The following CSMD1 variants were observed in gnomAD, a reference collection of about 807,000 sequenced individuals.
CSMD1 encodes the protein CUB and Sushi multiple domains 1, also known as CUB and sushi domain-containing protein 1.
A neutral mutation model predicts 417.5 loss-of-function variants in CSMD1; 213 were observed. That is an observed-to-expected ratio of 0.51 (90% CI 0.46 to 0.57). The LOEUF (loss-of-function observed/expected upper bound fraction) is 0.57, where lower values mean the gene tolerates loss of function less well. Ranked by LOEUF, CSMD1 falls within the 20% of genes least tolerant of loss-of-function variation. CSMD1 has a pLI of 0.00. For missense variants in CSMD1, 6,923 were observed against 4,529.7 expected (o/e 1.53, Z -15.17); for synonymous variants, 2,862 against 1,736.8 (o/e 1.65, Z -16.11).
intron 1 of CSMD1, among the ~76,000 whole-genome samples, chr8:4,851,987 ATC>A (rs1305459143): frequency 6.6e-6 from 1 of 152,064 alleles, no homozygotes; most frequent in African/African-American, 2.4e-5. Flanking sequence ...TATAGATTTA[ATC>A]TCTCTCTGGA....
At chr8:3,537,759 AG>A (rs1798265043) in intron 10 of CSMD1, among the ~76,000 whole-genome samples, 1 of 152,234 alleles carries the variant, frequency 6.6e-6, no homozygotes, top group Admixed American at 6.5e-5. Flanking sequence ...TATTTAGGAC[AG>A]TAAAACAAGA....
chr8:4,761,906 T>G (rs5016404), intron 1 of CSMD1, among the ~76,000 whole-genome samples: 1 of 94,284 alleles, frequency 1.1e-5, no homozygotes, highest in Non-Finnish European at 2.3e-5. Context: ...TATCTATCTA[T>G]CTATCAATCT....
intron 3 of CSMD1, among the ~76,000 whole-genome samples, chr8:4,409,813 T>C (rs1288075443): frequency 6.6e-6 from 1 of 152,058 alleles, no homozygotes; most frequent in Non-Finnish European, 1.5e-5. Flanking sequence ...AATACCGTAC[T>C]TTTAGTTTGT....
chr8:4,441,662 T>C lies in CSMD1; in HGVS notation c.303-21597A>G, dbSNP rs528840230. Among the ~76,000 whole-genome samples, 229 of 152,286 alleles carry C rather than the reference T, an allele frequency of 1.5e-3. 1 individual carries two copies. Among genetic ancestry groups the C allele is most frequent in the African/African-American group, 5.1e-3 (211 of 41,556 alleles). On this transcript the variant is annotated intron_variant, in intron 2 of 69. Coordinates refer to ENST00000635120, the MANE Select transcript of CSMD1 (RefSeq NM_033225.6). ...TTTATTTCACAGAAAAGTCACATTTTTTTCTAAAATATTTACAGGTATCTT... is the reference window on the plus strand; with the variant it reads ...TTTATTTCACAGAAAAGTCACATTTCTTTCTAAAATATTTACAGGTATCTT...
intron 26 of CSMD1, among the ~76,000 whole-genome samples, chr8:3,250,164 C>G (rs759870546): frequency 5.7e-4 from 87 of 152,134 alleles, no homozygotes; most frequent in Non-Finnish European, 4.4e-4. Flanking sequence ...CCCATTAAGT[C>G]GTCATTTAAC....
In CSMD1 at chr8:4,385,648, G is replaced by C. The variant is rs571514253; in HGVS notation, c.415+34305C>G. On this transcript the variant is annotated intron_variant, in intron 3 of 69. Transcript: ENST00000635120. ...TCAGTAACAGATGCAAAGACAATTG[G>C]CATCATCCTGTAGGCATTATCCAAA... Among the ~76,000 whole-genome samples the C allele has an allele frequency of 3.4e-4, 51 of 152,158 alleles. 1 individual carries two copies. The highest frequency in any genetic ancestry group is 1.9e-3 in the South Asian group (9 of 4,822).
chr8:3,647,050 T>A (rs573674383), intron 7 of CSMD1, among the ~76,000 whole-genome samples: 1 of 152,198 alleles, frequency 6.6e-6, no homozygotes, highest in Non-Finnish European at 1.5e-5. Flanking sequence ...TTCTTGCGTG[T>A]CAGCTCAGGT....
At chr8:3,170,006 C>A (rs1053627166) in intron 37 of CSMD1, among the ~76,000 whole-genome samples, 5 of 152,156 alleles carry the variant, frequency 3.3e-5, no homozygotes, top group African/African-American at 1.2e-4. Flanking sequence ...CTAAATTGTG[C>A]GGCCTGACCC....
At chr8:4,108,229 C>T (rs932263453) in intron 3 of CSMD1, among the ~76,000 whole-genome samples, 4 of 152,106 alleles carry the variant, frequency 2.6e-5, no homozygotes, top group African/African-American at 9.7e-5. Context: ...CCTTCGTAAA[C>T]ATTTAATATT....
intron 4 of CSMD1, among the ~76,000 whole-genome samples, chr8:4,019,342 G>C (rs1291800719): frequency 6.6e-6 from 1 of 152,160 alleles, no homozygotes; most frequent in Non-Finnish European, 1.5e-5. Flanking sequence ...TTATCTGGGA[G>C]GGAGAGTTTT....
At chr8:4,095,611 C>G (rs184674242) in intron 3 of CSMD1, among the ~76,000 whole-genome samples, 2 of 152,246 alleles carry the variant, frequency 1.3e-5, no homozygotes, top group African/African-American at 4.8e-5. Context: ...GTAATGTGCA[C>G]CTGCAGAGCT....
chr8:3,734,923 T>A (rs1796451423), intron 6 of CSMD1, among the ~76,000 whole-genome samples: 1 of 152,292 alleles, frequency 6.6e-6, no homozygotes, highest in South Asian at 2.1e-4. Context: ...ACATAACTCT[T>A]CTTTTACTTC....
intron 3 of CSMD1, among the ~76,000 whole-genome samples, chr8:4,109,264 G>C (rs1801728734): frequency 6.6e-6 from 1 of 151,982 alleles, no homozygotes; most frequent in Non-Finnish European, 1.5e-5. Flanking sequence ...TTGACCCTTG[G>C]TTGTTTGCAG....
intron 2 of CSMD1, among the ~76,000 whole-genome samples, chr8:4,425,473 A>G (rs540974433): frequency 6.6e-6 from 1 of 152,228 alleles, no homozygotes; most frequent in East Asian, 1.9e-4. Flanking sequence ...TTCAAGAGCT[A>G]AATTTGTGAT....
intron 68 of CSMD1, among the ~76,000 whole-genome samples, chr8:2,948,202 C>T (rs1207851314): frequency 4.6e-5 from 7 of 152,126 alleles, no homozygotes; most frequent in Admixed American, 1.3e-4. Flanking sequence ...ACAATTATAA[C>T]GACTTTTGTG....
chr8:3,108,672 T>C lies in CSMD1; in HGVS notation c.6685A>G (p.Thr2229Ala), dbSNP rs183736409. The change falls in exon 44 of 70, where the codon ACC becomes GCC. Residue 2229 changes from threonine (T) to alanine (A), a missense_variant. By Grantham distance (58) the Thr-to-Ala change is moderately conservative (BLOSUM62 0). Coordinates refer to ENST00000635120, the MANE Select transcript of CSMD1 (RefSeq NM_033225.6). ...NTALETAYSS[T>A]NQVLLKFHSD... ...TGGAACTTGAGCAGGACTTGGTTGG[T>C]GGAGCTATACGCCGTTTCGAGGGCT... 1.4e-5 allele frequency: 22 copies of C among 1,613,802 alleles called. No homozygotes were observed. The highest frequency in any genetic ancestry group is 2.7e-5 in the African/African-American group (2 of 75,036).
At chr8:4,535,669 C>T (rs1220488235) in intron 2 of CSMD1, among the ~76,000 whole-genome samples, 2 of 152,218 alleles carry the variant, frequency 1.3e-5, no homozygotes, top group Admixed American at 6.5e-5. Context: ...TTGATTCAGC[C>T]ATTTTCTGAG....
chr8:4,850,819 A>C (rs1297981072), intron 1 of CSMD1, among the ~76,000 whole-genome samples: 1 of 151,994 alleles, frequency 6.6e-6, no homozygotes, highest in Non-Finnish European at 1.5e-5. Context: ...CAAAAATTCA[A>C]CCAGTGGCAT....
At chr8:4,450,312 G>T (rs995068012) in intron 2 of CSMD1, among the ~76,000 whole-genome samples, 21 of 152,152 alleles carry the variant, frequency 1.4e-4, no homozygotes, top group African/African-American at 4.8e-4. Context: ...GCAACTCAGA[G>T]TATTTTTTCT....
Sources: gnomAD v4.1 joint callset for allele counts (sites outside exome capture counted in the v4.1 genomes callset) on GRCh38, gnomAD v4.1.1 for gene constraint, MANE v1.5 for transcripts, NCBI Gene and HGNC (gene_info 2026-07-23, HGNC 2026-07-21) for gene names.